The following DHX57 variants were observed in gnomAD, a reference collection of about 807,000 sequenced individuals.
DHX57 encodes the protein DExH-box helicase 57, also known as putative ATP-dependent RNA helicase DHX57.
A neutral mutation model predicts 156.2 loss-of-function variants in DHX57; 105 were observed. That is an observed-to-expected ratio of 0.67 (90% CI 0.57 to 0.79). The LOEUF is 0.79. Among genes scored for constraint, DHX57 ranks in the 30% least tolerant of loss-of-function variants. DHX57 has a pLI of 0.00. For missense variants in DHX57, 1,847 were observed against 1,661.9 expected (o/e 1.11, Z -1.94); for synonymous variants, 704 against 595.6 (o/e 1.18, Z -2.65).
At chr2:38,833,064 A>G (rs1405387708) in intron 13 of DHX57, among the ~76,000 whole-genome samples, 3 of 139,658 alleles carry the variant, frequency 2.1e-5, no homozygotes, top group Non-Finnish European at 4.5e-5. Flanking sequence ...CGAAATCTCT[A>G]CTCTTAAGGA....
chr2:38,801,554 C>T (rs928187803), intron 23 of DHX57, among the ~76,000 whole-genome samples: 17 of 151,912 alleles, frequency 1.1e-4, no homozygotes, highest in Admixed American at 4.6e-4. Context: ...GGATTACAGG[C>T]GCCCGCCACC....
intron 21 of DHX57, chr2:38,810,803 G>A: frequency 1.3e-6 from 1 of 746,028 alleles, no homozygotes; most frequent in Non-Finnish European, 2.4e-6. Context: ...AAATGAGGGT[G>A]GTAAAGGATG....
At chr2:38,803,168 G>A in intron 22 of DHX57, 4 of 435,292 alleles carry the variant, frequency 9.2e-6, no homozygotes, top group South Asian at 9.2e-5. Flanking sequence ...CGTAGAGATA[G>A]GGTCTCACCA....
chr2:38,858,219 G>A (rs1224469708), intron 6 of DHX57, among the ~76,000 whole-genome samples: 8 of 152,054 alleles, frequency 5.3e-5, no homozygotes, highest in African/African-American at 1.9e-4. Flanking sequence ...CTGCCACCAC[G>A]CCCGGCTAAT....
intron 21 of DHX57, chr2:38,811,604 G>T (rs911471744): frequency 2.2e-6 from 3 of 1,374,116 alleles, no homozygotes; most frequent in Non-Finnish European, 3.1e-6. Flanking sequence ...GGATGCAGGA[G>T]GTGTCCAGGC....
intron 9 of DHX57, among the ~76,000 whole-genome samples, chr2:38,851,022 A>AGCT (rs1249438163): frequency 6.6e-6 from 1 of 152,040 alleles, no homozygotes; most frequent in Non-Finnish European, 1.5e-5. Context: ...GGCTGCAGTG[A>AGCT]GCTGAGACTG....
At chr2:38,824,085 C>A (rs189865492) in intron 16 of DHX57, among the ~76,000 whole-genome samples, 72 of 151,750 alleles carry the variant, frequency 4.7e-4, no homozygotes, top group Admixed American at 4.7e-3. Context: ...ATTCACAATA[C>A]CCAAGATGTG....
At chr2:38,805,822 A>T (rs764255710) in intron 22 of DHX57, among the ~76,000 whole-genome samples, 1 of 152,156 alleles carries the variant, frequency 6.6e-6, no homozygotes, top group Non-Finnish European at 1.5e-5. Flanking sequence ...AAAAAACTGC[A>T]GGTCTGGAGA....
At chr2:38,819,486 CTT>C (rs1452473105) in intron 17 of DHX57, among the ~76,000 whole-genome samples, 1 of 152,152 alleles carries the variant, frequency 6.6e-6, no homozygotes, top group Non-Finnish European at 1.5e-5. Context: ...CTACAGGACA[CTT>C]TTTATCTGAG....
rs573972449 is a variant in DHX57 at position 38,875,051 on chromosome 2, C to T, written c.-7+736G>A. On this transcript the variant is annotated intron_variant, in intron 1 of 23. Coordinates refer to ENST00000457308, the MANE Select transcript of DHX57 (RefSeq NM_198963.3). ...TGAATCAAAACAAGTTGTCTCACAC[C>T]AACCCAGAAAATGTTACTTTTACAA... 4.6e-5 allele frequency among the ~76,000 whole-genome samples: 7 copies of T among 152,256 alleles called. No individual in the cohort carries two copies. In the East Asian group the frequency reaches 1.4e-3, roughly 29 times the overall value.
At chr2:38,833,839 TG>T (rs1315407106) in intron 13 of DHX57, among the ~76,000 whole-genome samples, 1 of 151,536 alleles carries the variant, frequency 6.6e-6, no homozygotes, top group East Asian at 1.9e-4. Context: ...CCTAGAAATA[TG>T]AAAAAAAATT....
chr2:38,868,386 C>T lies in DHX57; in HGVS notation c.20G>A (p.Arg7Lys), dbSNP rs762107645. MSSSVR[R>K]KGKPGKGGGK... ...ACCTCCTTTGCCTGGCTTGCCTTTTCTTCTTACTGAAGAACTCATTTTCAC... is the reference window on the plus strand; with the variant it reads ...ACCTCCTTTGCCTGGCTTGCCTTTTTTTCTTACTGAAGAACTCATTTTCAC... Residue 7 changes from arginine (R) to lysine (K), a missense_variant, in exon 2 of 24, where the codon AGA becomes AAA. By Grantham distance (26) the Arg-to-Lys change is conservative (BLOSUM62 2). Transcript: ENST00000457308. The T allele has an allele frequency of 1.2e-6, 2 of 1,613,066 alleles. No individual in the cohort carries two copies. The highest frequency in any genetic ancestry group is 1.7e-6 in the Non-Finnish European group (2 of 1,179,998).
rs1160667132 is a variant in DHX57 at position 38,848,359 on chromosome 2, G to A, written c.2074C>T (p.Pro692Ser). The change falls in exon 10 of 24, where the codon CCA (proline) becomes TCA (serine). Residue 692 changes from proline to serine, a missense_variant. Pro to Ser is a moderately conservative substitution (Grantham distance 74). Transcript: ENST00000457308. ...CTCATTAAAATAACTTGAAGACCTGGCCTCTGCGATACAATGTCCTTCAAA... is the reference window on the plus strand; with the variant it reads ...CTCATTAAAATAACTTGAAGACCTGACCTCTGCGATACAATGTCCTTCAAA... The part of the protein sequence containing the change: ...LVLKDIVSQR[P>S]GLQVILMSAT... 1 of 1,611,348 alleles carries A rather than the reference G, an allele frequency of 6.2e-7. No homozygotes were observed.
chr2:38,803,867 T>C (rs1230109161), intron 22 of DHX57, among the ~76,000 whole-genome samples: 1 of 151,326 alleles, frequency 6.6e-6, no homozygotes, highest in African/African-American at 2.4e-5. Context: ...CTGCAACCTC[T>C]ACCTCCTAGG....
intron 5 of DHX57, among the ~76,000 whole-genome samples, chr2:38,860,019 A>T (rs970080509): frequency 1.3e-5 from 2 of 151,966 alleles, no homozygotes; most frequent in African/African-American, 4.8e-5. Flanking sequence ...GGGTCTCATT[A>T]TGCTGCCCAG....
At chr2:38,833,744 T>C (rs1671504538) in intron 13 of DHX57, among the ~76,000 whole-genome samples, 1 of 152,142 alleles carries the variant, frequency 6.6e-6, no homozygotes, top group South Asian at 2.1e-4. Context: ...GGTCTACTCA[T>C]TGGCAATTTT....
At chr2:38,853,161 G>C (rs905929360) in intron 9 of DHX57, 1 of 151,662 alleles carries the variant, frequency 6.6e-6, no homozygotes, top group African/African-American at 2.4e-5. Flanking sequence ...GGGCTCAATT[G>C]ATTCTCCTGC....
intron 23 of DHX57, among the ~76,000 whole-genome samples, chr2:38,798,662 C>T (rs188993576): frequency 4.6e-5 from 7 of 152,188 alleles, no homozygotes; most frequent in Non-Finnish European, 8.8e-5. Context: ...AGAAAAGATT[C>T]GGGCCAGGCG....
chr2:38,856,496 AC>A, intron 6 of DHX57, 35 bp from the exon 7 acceptor site: 1 of 1,506,786 alleles, frequency 6.6e-7, no homozygotes, highest in Non-Finnish European at 8.8e-7. Context: ...CAGTTGGGTT[AC>A]TTTTTCTTTT....
Sources: gnomAD v4.1 joint callset for allele counts (sites outside exome capture counted in the v4.1 genomes callset) on GRCh38, gnomAD v4.1.1 for gene constraint, MANE v1.5 for transcripts, NCBI Gene and HGNC (gene_info 2026-07-23, HGNC 2026-07-21) for gene names.